UBE2E2: variants seen among roughly 807,000 people sequenced by gnomAD.
The protein encoded by UBE2E2 is ubiquitin conjugating enzyme E2 E2, also known as ubiquitin-conjugating enzyme E2 E2.
A neutral mutation model predicts 24.7 loss-of-function variants in UBE2E2; 6 were observed. The observed-to-expected ratio is 0.24, with a 90% CI of 0.13 to 0.48. The LOEUF is 0.48. Among genes scored for constraint, UBE2E2 ranks in the 20% least tolerant of loss-of-function variants. The pLI, the probability that UBE2E2 is intolerant of heterozygous loss-of-function variation, is 0.99. For synonymous variants in UBE2E2, 104 were observed against 83.6 expected (o/e 1.24, Z -1.33); for missense variants, 169 against 245.0 (o/e 0.69, Z 2.07).
chr3:23,524,988 G>C (rs555233188), intron 4 of UBE2E2, among the ~76,000 whole-genome samples: 2 of 152,182 alleles, frequency 1.3e-5, no homozygotes, highest in Non-Finnish European at 2.9e-5. Context: ...AGTTCCGTGG[G>C]TCAGAAGACT....
chr3:23,400,245 CTACAGACTAGAA>C (rs1489248092), intron 3 of UBE2E2, among the ~76,000 whole-genome samples: 2 of 152,144 alleles, frequency 1.3e-5, no homozygotes, highest in Non-Finnish European at 2.9e-5. Flanking sequence ...ATAAACATTC[CTACAGACTAGAA>C]TTCTTACCAA....
Position 23,346,306 on chromosome 3 carries a change from A to T in UBE2E2, c.227+128994A>T, listed in dbSNP as rs139174918. 2.0e-5 allele frequency among the ~76,000 whole-genome samples: 3 copies of T among 152,358 alleles called. No individual in the cohort carries two copies. In the East Asian group the frequency reaches 5.8e-4, roughly 29 times the overall value. ...AAATGCCCTTAGTTGAATCGTTAAT[A>T]TCCTAGATAGTAAAAGATTAGTACC... On this transcript the variant is annotated intron_variant, in intron 3 of 5. Transcript: ENST00000396703.
chr3:23,588,405 TTTTTG>T lies in UBE2E2; in HGVS notation c.509-1324_509-1320del, dbSNP rs1243998796. 5.0e-4 allele frequency among the ~76,000 whole-genome samples: 49 copies of T among 98,410 alleles called. 1 individual carries two copies. In the East Asian group the frequency reaches 0.011, roughly 22 times the overall value. The allele number at this position is 98,410 out of a possible 152,430, so 64.6% of individuals were successfully genotyped here. On this transcript the variant is annotated intron_variant, in intron 5 of 5. Coordinates refer to ENST00000396703, the MANE Select transcript of UBE2E2 (RefSeq NM_152653.4). ...TTGCTTTGCTTTTTGTTTTTTTGTT[TTTTTG>T]TTTTTTTTTTTTTGTCTTTTTTTTT...
chr3:23,484,606 A>T, intron 3 of UBE2E2, among the ~76,000 whole-genome samples: 1 of 152,206 alleles, frequency 6.6e-6, no homozygotes, highest in Non-Finnish European at 1.5e-5. Context: ...CACTGATGCA[A>T]GATGTGTATT....
chr3:23,380,769 A>T (rs907966559), intron 3 of UBE2E2, among the ~76,000 whole-genome samples: 15 of 152,082 alleles, frequency 9.9e-5, no homozygotes, highest in Non-Finnish European at 2.9e-5. Context: ...TTAGAATTGG[A>T]TTCTCTAGTA....
rs141324638 is a variant in UBE2E2, at chr3:23,492,573, C to T, written c.228-7035C>T. 6.4e-3 allele frequency among the ~76,000 whole-genome samples: 975 copies of T among 152,248 alleles called. 16 individuals carry two copies. Among genetic ancestry groups the T allele is most frequent in the East Asian group, 0.048 (248 of 5,180 alleles). ...AAACACACAGTTTAGGTATCCATTA[C>T]CATTAAAAGTTTATTTTCAGCTAGC... On this transcript the variant is annotated intron_variant, in intron 3 of 5. Transcript: ENST00000396703.
intron 3 of UBE2E2, among the ~76,000 whole-genome samples, chr3:23,355,846 A>C (rs1054422203): frequency 8.5e-5 from 13 of 152,242 alleles, no homozygotes; most frequent in African/African-American, 3.1e-4. Context: ...CATATAAAGC[A>C]GTCTATGCAG....
rs757749291 is a variant in UBE2E2 at position 23,208,888 on chromosome 3, T to C, written c.176+13T>C. 6.3e-7 allele frequency: 1 copy of C among 1,590,872 alleles called. No individual in the cohort carries two copies. Among genetic ancestry groups the C allele is most frequent in the Admixed American group, 1.8e-5 (1 of 56,524 alleles). ...CTAGTGCTAAAAGGTACTTCAGTTA[T>C]TATAACCTTTTTATTGTTGGTATCA... is the stretch of plus-strand genomic sequence containing the variant. On this transcript the variant is annotated intron_variant, in intron 2 of 5. Coordinates refer to ENST00000396703, the MANE Select transcript of UBE2E2 (RefSeq NM_152653.4).
intron 2 of UBE2E2, 69 bp from the exon 3 acceptor site, chr3:23,217,193 G>A (rs373933102): frequency 1.6e-5 from 21 of 1,344,668 alleles, no homozygotes; most frequent in South Asian, 7.2e-5. Flanking sequence ...AAAATGTAAC[G>A]TTTTAATGAA....
intron 3 of UBE2E2, among the ~76,000 whole-genome samples, chr3:23,394,906 C>T (rs704535): frequency 0.18 from 26,958 of 152,150 alleles, 2,368 homozygotes; most frequent in South Asian, 0.21. Flanking sequence ...ATTGTTACAC[C>T]AGCCTCTAAA....
At chr3:23,305,537 G>C (rs4476456) in intron 3 of UBE2E2, among the ~76,000 whole-genome samples, 1 of 152,158 alleles carries the variant, frequency 6.6e-6, no homozygotes, top group Non-Finnish European at 1.5e-5. Flanking sequence ...TGTCCACTCA[G>C]TGAAAATGGT....
intron 3 of UBE2E2, among the ~76,000 whole-genome samples, chr3:23,396,485 C>CAT (rs925630079): frequency 8.6e-5 from 13 of 151,560 alleles, no homozygotes; most frequent in African/African-American, 2.2e-4. Context: ...CAGACACACA[C>CAT]ATATATATAT....
chr3:23,431,759 C>T (rs1385745624), intron 3 of UBE2E2, among the ~76,000 whole-genome samples: 1 of 152,098 alleles, frequency 6.6e-6, no homozygotes, highest in Non-Finnish European at 1.5e-5. Context: ...TTTGCATTAA[C>T]CACTATACGT....
intron 3 of UBE2E2, among the ~76,000 whole-genome samples, chr3:23,430,753 T>G (rs1698042006): frequency 6.6e-6 from 1 of 152,180 alleles, no homozygotes; most frequent in African/African-American, 2.4e-5. Context: ...ACTCCTTGCC[T>G]CAAGGAATCC....
chr3:23,219,307 C>T (rs1056596899), intron 3 of UBE2E2, among the ~76,000 whole-genome samples: 1 of 152,154 alleles, frequency 6.6e-6, no homozygotes, highest in Non-Finnish European at 1.5e-5. Flanking sequence ...GGTTAATCAA[C>T]ACTTATCAGT....
intron 3 of UBE2E2, among the ~76,000 whole-genome samples, chr3:23,442,445 T>C (rs975494328): frequency 6.6e-6 from 1 of 152,150 alleles, no homozygotes; most frequent in South Asian, 2.1e-4. Flanking sequence ...TTAAGATCTG[T>C]CTTCTGATCC....
chr3:23,432,659 G>A (rs1004047193), intron 3 of UBE2E2, among the ~76,000 whole-genome samples: 5 of 151,832 alleles, frequency 3.3e-5, no homozygotes, highest in African/African-American at 1.2e-4. Flanking sequence ...AAATTTGGTA[G>A]TGGTTTTCTC....
intron 3 of UBE2E2, among the ~76,000 whole-genome samples, chr3:23,232,170 G>A (rs1335571908): frequency 6.6e-6 from 1 of 152,208 alleles, no homozygotes; most frequent in Non-Finnish European, 1.5e-5. Context: ...CTGGCAACCA[G>A]CCTCTATCCT....
chr3:23,508,620 C>T (rs1196165720), intron 4 of UBE2E2, among the ~76,000 whole-genome samples: 1 of 152,170 alleles, frequency 6.6e-6, no homozygotes, highest in African/African-American at 2.4e-5. Flanking sequence ...ATCAGCCACT[C>T]TGATATCTAC....
Sources: allele counts gnomAD v4.1 joint callset (sites outside exome capture counted in the v4.1 genomes callset), GRCh38; gene constraint gnomAD v4.1.1; transcripts MANE v1.5; gene names NCBI Gene and HGNC (gene_info 2026-07-23, HGNC 2026-07-21).